Variants in NAV1 observed in about 807,000 individuals in gnomAD.
NAV1 encodes the protein neuron navigator 1.
In NAV1, 18 loss-of-function variants were observed where a neutral mutation model predicts 175.2. The observed-to-expected ratio is 0.10, with a 90% CI of 0.07 to 0.15. The LOEUF is 0.15. Among genes scored for constraint, NAV1 ranks in the 10% least tolerant of loss-of-function variants. The pLI, the probability that NAV1 is intolerant of heterozygous loss-of-function variation, is 1.00. For synonymous variants in NAV1, 897 were observed against 978.7 expected, an observed-to-expected ratio of 0.92 and a Z score of 1.56; for missense variants, 1,731 against 2,436.6, an observed-to-expected ratio of 0.71 and a Z score of 6.10.
intron 2 of NAV1, among the ~76,000 whole-genome samples, chr1:201,632,695 A>G (rs939511230): frequency 3.9e-5 from 6 of 152,256 alleles, no homozygotes; most frequent in African/African-American, 1.4e-4. Flanking sequence ...TCATCATAGT[A>G]CGTGTTATCA....
upstream of NAV1, among the ~76,000 whole-genome samples, chr1:201,620,831 T>C (rs1352919864): frequency 6.6e-6 from 1 of 152,024 alleles, no homozygotes. Context: ...GTACATTTGA[T>C]AGCAACAAAT....
intron 3 of NAV1, among the ~76,000 whole-genome samples, chr1:201,765,381 CTTTT>C (rs59583786): frequency 1.0e-4 from 10 of 98,598 alleles, no homozygotes; most frequent in African/African-American, 4.0e-4. Flanking sequence ...AGGAAATATT[CTTTT>C]TTTTTTTTTT....
intron 3 of NAV1, among the ~76,000 whole-genome samples, chr1:201,751,761 T>C (rs1321273126): frequency 6.6e-6 from 1 of 152,218 alleles, no homozygotes; most frequent in Non-Finnish European, 1.5e-5. Flanking sequence ...CTTTCCTCCA[T>C]TCATTCTTCA....
At chr1:201,598,045 G>T (rs115441059) in intron 2 of NAV1, among the ~76,000 whole-genome samples, 69 of 152,308 alleles carry the variant, frequency 4.5e-4, no homozygotes, top group African/African-American at 1.6e-3. Context: ...CATGATACCA[G>T]GCGCCAGGTG....
intron 3 of NAV1, among the ~76,000 whole-genome samples, chr1:201,733,861 T>G (rs761680820): frequency 5.9e-5 from 9 of 152,126 alleles, no homozygotes; most frequent in Admixed American, 5.9e-4. Context: ...AGAGGCCATG[T>G]GTGCCATGCT....
At chr1:201,794,096 G>A (rs545785857) in intron 14 of NAV1, 85 of 690,552 alleles carry the variant, frequency 1.2e-4, no homozygotes, top group Non-Finnish European at 1.4e-4. Context: ...CCAATGCCTC[G>A]CCCATTGCCT....
At chr1:201,552,632 T>C (rs1220213279) in intron 1 of NAV1, among the ~76,000 whole-genome samples, 1 of 152,122 alleles carries the variant, frequency 6.6e-6, no homozygotes. Context: ...ATTGTGAAGA[T>C]CATCCTAGAA....
At chr1:201,555,036 C>T (rs946221234) in intron 1 of NAV1, among the ~76,000 whole-genome samples, 6 of 152,206 alleles carry the variant, frequency 3.9e-5, no homozygotes, top group African/African-American at 1.4e-4. Flanking sequence ...ATCCTCTTCC[C>T]TCTGTGTATG....
intron 24 of NAV1, among the ~76,000 whole-genome samples, chr1:201,811,322 G>A (rs764326585): frequency 6.6e-6 from 1 of 152,124 alleles, no homozygotes; most frequent in African/African-American, 2.4e-5. Context: ...GGGGAGGCAT[G>A]CCCATTAGTA....
At chr1:201,546,955 A>G (rs1665691126) in intron 1 of NAV1, among the ~76,000 whole-genome samples, 1 of 151,648 alleles carries the variant, frequency 6.6e-6, no homozygotes, top group South Asian at 2.1e-4. Flanking sequence ...TTAACCCTTC[A>G]ACACTTAAGC....
chr1:201,627,411 T>C (rs1395996826), intron 1 of NAV1, among the ~76,000 whole-genome samples: 2 of 152,086 alleles, frequency 1.3e-5, no homozygotes, highest in African/African-American at 4.8e-5. Flanking sequence ...TAGCTGAGAT[T>C]ACAGGCATGC....
intron 1 of NAV1, among the ~76,000 whole-genome samples, chr1:201,665,716 C>T (rs146208503): frequency 1.3e-5 from 2 of 152,128 alleles, no homozygotes; most frequent in African/African-American, 4.8e-5. Flanking sequence ...ACTGCAGACA[C>T]ACCTTTGGAG....
At chr1:201,603,511 C>A (rs941321688) in intron 2 of NAV1, among the ~76,000 whole-genome samples, 1 of 152,182 alleles carries the variant, frequency 6.6e-6, no homozygotes, top group African/African-American at 2.4e-5. Flanking sequence ...TGAAAATTAG[C>A]CTGGAGGATG....
chr1:201,707,745 G>A (rs138903725), intron 1 of NAV1, among the ~76,000 whole-genome samples: 5 of 152,282 alleles, frequency 3.3e-5, no homozygotes, highest in South Asian at 2.1e-4. Context: ...CTCTAGCAAC[G>A]TTTTAGTCTT....
intron 2 of NAV1, among the ~76,000 whole-genome samples, chr1:201,612,063 T>C (rs1667863039): frequency 6.6e-6 from 1 of 152,154 alleles, no homozygotes; most frequent in African/African-American, 2.4e-5. Flanking sequence ...TGTGTGCATA[T>C]GTCTATCTCT....
intron 3 of NAV1, among the ~76,000 whole-genome samples, chr1:201,772,362 C>G (rs778914027): frequency 3.9e-5 from 6 of 152,192 alleles, no homozygotes; most frequent in Non-Finnish European, 8.8e-5. Flanking sequence ...CCAGAGACTT[C>G]AGCAGCACAC....
intron 1 of NAV1, among the ~76,000 whole-genome samples, chr1:201,588,025 C>T (rs1667083668): frequency 6.6e-6 from 1 of 152,174 alleles, no homozygotes; most frequent in Non-Finnish European, 1.5e-5. Flanking sequence ...AAAAGTTAAA[C>T]ATGGAGATGA....
chr1:201,808,755 G>T lies in NAV1; in HGVS notation c.4091G>T (p.Gly1364Val). 1.9e-6 allele frequency: 3 copies of T among 1,614,122 alleles called. No homozygotes were observed. In the Middle Eastern group the frequency reaches 4.9e-4, roughly 266 times the overall value. Residue 1364 changes from glycine (G) to valine (V), a missense_variant, in exon 20 of 30, where the codon GGC (glycine) becomes GTC (valine). Transcript: ENST00000367296. The surrounding 1 kb of genome is among the most constrained non-coding windows in gnomAD (Gnocchi z 5.5). The stretch of plus-strand genomic sequence containing the variant: ...AATGACCGACTGAAGGTAGCCCCAG[G>T]CCCCTCATCAGGCTCCACTCCAGGG...
intron 1 of NAV1, among the ~76,000 whole-genome samples, chr1:201,549,135 CTT>C (rs1557992253): frequency 7.6e-6 from 1 of 131,168 alleles, no homozygotes; most frequent in Admixed American, 8.1e-5. Flanking sequence ...TTCTTTCTTT[CTT>C]TCTTTCTTCT....
Sources: allele counts gnomAD v4.1 joint callset (sites outside exome capture counted in the v4.1 genomes callset), GRCh38; gene constraint gnomAD v4.1.1; non-coding constraint Gnocchi (gnomAD v3.1); transcripts MANE v1.5; gene names NCBI Gene and HGNC (gene_info 2026-07-23, HGNC 2026-07-21).